Variants in GALNTL6 observed in about 807,000 individuals in gnomAD.
GALNTL6 encodes polypeptide N-acetylgalactosaminyltransferase like 6.
A neutral mutation model predicts 73.7 loss-of-function variants in GALNTL6; 46 were observed. That is an observed-to-expected ratio of 0.62 (90% CI 0.49 to 0.80). The LOEUF (loss-of-function observed/expected upper bound fraction) is 0.80, where lower values mean the gene tolerates loss of function less well. Ranked by LOEUF, GALNTL6 falls within the 30% of genes least tolerant of loss-of-function variation. The pLI is 0.00. For missense variants in GALNTL6, 604 were observed against 755.0 expected (o/e 0.80, Z 2.34); for synonymous variants, 259 against 263.7 (o/e 0.98, Z 0.17).
At chr4:172,979,664 C>T (rs904920739) in intron 10 of GALNTL6, among the ~76,000 whole-genome samples, 2 of 152,192 alleles carry the variant, frequency 1.3e-5, no homozygotes, top group Admixed American at 1.3e-4. Context: ...CAAATATTCA[C>T]CTGGCTTTAG....
At chr4:172,199,893 A>G (rs995856984) in intron 2 of GALNTL6, among the ~76,000 whole-genome samples, 1 of 152,206 alleles carries the variant, frequency 6.6e-6, no homozygotes, top group African/African-American at 2.4e-5. Flanking sequence ...GCAACTAGCC[A>G]TATACCTCAT....
intron 2 of GALNTL6, among the ~76,000 whole-genome samples, chr4:171,910,459 A>C (rs1053745804): frequency 2.0e-5 from 3 of 152,124 alleles, no homozygotes; most frequent in Non-Finnish European, 2.9e-5. Flanking sequence ...GTGGGTTTTA[A>C]AATTTGGAAT....
At chr4:173,006,603 T>A (rs905944308) in intron 10 of GALNTL6, among the ~76,000 whole-genome samples, 1 of 152,250 alleles carries the variant, frequency 6.6e-6, no homozygotes, top group African/African-American at 2.4e-5. Context: ...CTGGTACTTA[T>A]TTCAAGGAAG....
intron 2 of GALNTL6, among the ~76,000 whole-genome samples, chr4:171,958,262 G>T (rs1489058473): frequency 1.3e-5 from 2 of 152,118 alleles, no homozygotes; most frequent in African/African-American, 4.8e-5. Flanking sequence ...AAGGCTGATT[G>T]TAAGAATGCA....
intron 5 of GALNTL6, among the ~76,000 whole-genome samples, chr4:172,518,143 A>G (rs1419436386): frequency 6.6e-6 from 1 of 151,870 alleles, no homozygotes; most frequent in Admixed American, 6.6e-5. Flanking sequence ...CTGGCTATTT[A>G]TTATACAGTT....
chr4:172,295,304 C>T (rs953106225), intron 3 of GALNTL6, among the ~76,000 whole-genome samples: 2 of 151,816 alleles, frequency 1.3e-5, no homozygotes, highest in African/African-American at 4.8e-5. Flanking sequence ...TGCCTGTAAT[C>T]ACAGCTACTG....
At chr4:172,742,674 T>C (rs566611088) in intron 5 of GALNTL6, among the ~76,000 whole-genome samples, 18 of 152,152 alleles carry the variant, frequency 1.2e-4, no homozygotes, top group African/African-American at 3.9e-4. Flanking sequence ...ACCTATAAAA[T>C]AGCATGTGTC....
intron 9 of GALNTL6, among the ~76,000 whole-genome samples, chr4:172,940,396 C>A (rs1748855687): frequency 6.6e-6 from 1 of 151,820 alleles, no homozygotes; most frequent in Admixed American, 6.6e-5. Flanking sequence ...GGAGTCCCAC[C>A]CTGTCACCCA....
At chr4:172,601,381 G>T (rs1259567299) in intron 5 of GALNTL6, among the ~76,000 whole-genome samples, 1 of 152,064 alleles carries the variant, frequency 6.6e-6, no homozygotes, top group Non-Finnish European at 1.5e-5. Context: ...TTGGGTAATG[G>T]GGCAGATCAC....
At chr4:171,952,043 C>G (rs1449617437) in intron 2 of GALNTL6, among the ~76,000 whole-genome samples, 3 of 151,522 alleles carry the variant, frequency 2.0e-5, no homozygotes, top group Non-Finnish European at 4.4e-5. Flanking sequence ...AATAGAGTAA[C>G]AAAAAAACCA....
At chr4:172,958,609 G>C (rs910314546) in intron 10 of GALNTL6, among the ~76,000 whole-genome samples, 1 of 152,230 alleles carries the variant, frequency 6.6e-6, no homozygotes. Context: ...GTTGGGGTTT[G>C]AGAGATCAGT....
At chr4:172,623,642 G>A (rs981179679) in intron 5 of GALNTL6, among the ~76,000 whole-genome samples, 2 of 151,894 alleles carry the variant, frequency 1.3e-5, no homozygotes, top group Non-Finnish European at 2.9e-5. Flanking sequence ...TCTTTTCTAT[G>A]GAAAAACTCA....
intron 5 of GALNTL6, among the ~76,000 whole-genome samples, chr4:172,796,359 C>T (rs1299851048): frequency 6.6e-6 from 1 of 152,054 alleles, no homozygotes; most frequent in Non-Finnish European, 1.5e-5. Flanking sequence ...AACTTTCTGA[C>T]CTTCATTTTC....
intron 5 of GALNTL6, among the ~76,000 whole-genome samples, chr4:172,392,456 T>G (rs948256947): frequency 3.0e-5 from 3 of 100,354 alleles, no homozygotes; most frequent in African/African-American, 1.2e-4. Flanking sequence ...AAAGTATTTC[T>G]TATTCATTTT....
intron 12 of GALNTL6, among the ~76,000 whole-genome samples, chr4:173,039,499 G>A (rs1359565023): frequency 6.6e-6 from 1 of 151,924 alleles, no homozygotes; most frequent in African/African-American, 2.4e-5. Context: ...GTGAGCAGGG[G>A]GTATTATTTA....
chr4:172,323,161 A>G (rs1405670840), intron 4 of GALNTL6, among the ~76,000 whole-genome samples: 2 of 152,210 alleles, frequency 1.3e-5, no homozygotes, highest in African/African-American at 4.8e-5. Flanking sequence ...TCAGTTTACA[A>G]ATTAGGTTTC....
At chr4:172,564,616 A>G (rs1239340520) in intron 5 of GALNTL6, among the ~76,000 whole-genome samples, 1 of 152,258 alleles carries the variant, frequency 6.6e-6, no homozygotes, top group African/African-American at 2.4e-5. Flanking sequence ...CCTAAGTTTG[A>G]CAATGCTGTA....
chr4:172,033,668 A>G (rs1207944073), intron 2 of GALNTL6, among the ~76,000 whole-genome samples: 1 of 152,182 alleles, frequency 6.6e-6, no homozygotes, highest in Non-Finnish European at 1.5e-5. Context: ...AGAAAACTAT[A>G]GAAATCATCA....
At chr4:172,341,819 G>A (rs574997707) in intron 4 of GALNTL6, among the ~76,000 whole-genome samples, 1 of 152,182 alleles carries the variant, frequency 6.6e-6, no homozygotes, top group African/African-American at 2.4e-5. Context: ...AAATTGCCTA[G>A]TCTCGGGTAT....
Sources: gnomAD v4.1 joint callset for allele counts (sites outside exome capture counted in the v4.1 genomes callset) on GRCh38, gnomAD v4.1.1 for gene constraint, MANE v1.5 for transcripts, NCBI Gene and HGNC (gene_info 2026-07-23, HGNC 2026-07-21) for gene names.